Variants in NCOA3 observed in about 807,000 individuals in gnomAD.
NCOA3 encodes nuclear receptor coactivator 3, also known as CBP-interacting protein.
In NCOA3, 51 loss-of-function variants were observed where a neutral mutation model predicts 158.8. That is an observed-to-expected ratio of 0.32 (90% CI 0.26 to 0.41). NCOA3 has a LOEUF of 0.41. NCOA3 is among the 10% of genes least tolerant of loss of function. The probability of loss-of-function intolerance (pLI) is 1.00; values close to 1 mark genes in which losing one functional copy is unlikely to be tolerated. For missense variants in NCOA3, 1,510 were observed against 1,746.6 expected (o/e 0.86, Z 2.41); for synonymous variants, 537 against 592.4 (o/e 0.91, Z 1.36).
chr20:47,656,161 TAAATA>T lies in NCOA3; in HGVS notation c.*2750_*2754del, dbSNP rs369146528. On this transcript the variant is annotated 3_prime_UTR_variant, in exon 23 of 23. Coordinates refer to ENST00000371998, the MANE Select transcript of NCOA3 (RefSeq NM_181659.3). ...TTTTTTTGCTGAATCCAAAGATATA[TAAATA>T]AAATATATATATTTTATAAAGATCA... 7.4e-5 allele frequency: 11 copies of T among 147,890 alleles called. No individual in the cohort carries two copies. In the South Asian group the frequency reaches 1.5e-3, roughly 20 times the overall value. 9.2% of individuals were successfully genotyped at this position (147,890 alleles called of 1,614,324 possible). A position where few individuals can be genotyped will look rare whatever the true frequency, so the allele number is the denominator to read the frequency against.
intron 16 of NCOA3, among the ~76,000 whole-genome samples, chr20:47,640,589 A>C (rs866623840): frequency 6.6e-6 from 1 of 152,134 alleles, no homozygotes; most frequent in Non-Finnish European, 1.5e-5. Context: ...TTCATAAAAT[A>C]AAGATTGTAG....
At chr20:47,578,576 T>A (rs1300977571) in intron 1 of NCOA3, among the ~76,000 whole-genome samples, 4 of 152,370 alleles carry the variant, frequency 2.6e-5, no homozygotes, top group Admixed American at 1.3e-4. Flanking sequence ...TGTAGTTGAT[T>A]GTTGCAAGTG....
chr20:47,550,584 A>G (rs1235531138), intron 1 of NCOA3, among the ~76,000 whole-genome samples: 1 of 152,142 alleles, frequency 6.6e-6, no homozygotes, highest in Non-Finnish European at 1.5e-5. Flanking sequence ...GTGTGTTTTC[A>G]TCAGAATTGA....
At chr20:47,609,172 C>G (rs1177579565) in intron 2 of NCOA3, among the ~76,000 whole-genome samples, 5 of 152,154 alleles carry the variant, frequency 3.3e-5, no homozygotes, top group Admixed American at 2.6e-4. Flanking sequence ...GTTAATTCCT[C>G]ACACCGAGTC....
At position 47,517,582 on chromosome 20, in the gene NCOA3, C is replaced by T. The variant is rs182625210; in HGVS notation, c.-99+15563C>T. Among the ~76,000 whole-genome samples the T allele has an allele frequency of 1.6e-3, 236 of 151,530 alleles. 2 individuals carry two copies. Among genetic ancestry groups the T allele is most frequent in the African/African-American group, 5.3e-3 (220 of 41,308 alleles). ...TCTCCTGCCTCAGCCTCCCTAGTAGCTGGGATTACAGGTGCTCGCTACTAC... is the reference window on the plus strand; with the variant it reads ...TCTCCTGCCTCAGCCTCCCTAGTAGTTGGGATTACAGGTGCTCGCTACTAC... On this transcript the variant is annotated intron_variant, in intron 1 of 22. Transcript: ENST00000371998.
intron 1 of NCOA3, among the ~76,000 whole-genome samples, chr20:47,568,518 A>G (rs542840024): frequency 1.3e-5 from 2 of 152,280 alleles, no homozygotes; most frequent in Admixed American, 6.5e-5. Flanking sequence ...AAAATACTTT[A>G]TTGTGGCCTG....
chr20:47,583,444 T>C (rs539678924), intron 2 of NCOA3, among the ~76,000 whole-genome samples, 183 bp downstream of exon 2: 1 of 151,838 alleles, frequency 6.6e-6, no homozygotes, highest in South Asian at 2.1e-4. Context: ...GTATGTACAG[T>C]TGGCCCTTGA....
Position 47,656,177 on chromosome 20 carries a change from AT to A in NCOA3, c.*2764del, listed in dbSNP as rs1379597805. Reference sequence around the variant, plus strand: ...AAAGATATATAAATAAAATATATATATTTTATAAAGATCAGAATGATATAAA... The same window carrying A: ...AAAGATATATAAATAAAATATATATATTTATAAAGATCAGAATGATATAAA... On this transcript the variant is annotated 3_prime_UTR_variant, in exon 23 of 23. Transcript: ENST00000371998. 1.4e-5 allele frequency: 2 copies of A among 146,210 alleles called. No individual in the cohort carries two copies. The highest frequency in any genetic ancestry group is 1.5e-5 in the Non-Finnish European group (1 of 66,732). The allele number at this position is 146,210 out of a possible 1,614,324, so 9.1% of individuals were successfully genotyped here. A position where few individuals can be genotyped will look rare whatever the true frequency, so the allele number is the denominator to read the frequency against.
chr20:47,530,703 G>GAT (rs758976700), intron 1 of NCOA3, among the ~76,000 whole-genome samples: 105 of 152,094 alleles, frequency 6.9e-4, no homozygotes, highest in Non-Finnish European at 1.2e-3. Context: ...GCCCTCAAGT[G>GAT]ATCCACCTGC....
intron 10 of NCOA3, 149 bp downstream of exon 10, chr20:47,634,344 T>C: frequency 1.3e-6 from 1 of 752,308 alleles, no homozygotes; most frequent in South Asian, 1.9e-5. Flanking sequence ...TCCTGGATTA[T>C]GATATGTTTA....
chr20:47,502,189 C>T (rs890088665), intron 1 of NCOA3, among the ~76,000 whole-genome samples, 170 bp downstream of exon 1: 14 of 151,618 alleles, frequency 9.2e-5, no homozygotes, highest in African/African-American at 2.9e-4. Context: ...GGTGTCGGGG[C>T]CGCGCCGCTT....
At chr20:47,582,238 G>GT (rs1373427060) in intron 1 of NCOA3, among the ~76,000 whole-genome samples, 1 of 152,016 alleles carries the variant, frequency 6.6e-6, no homozygotes, top group East Asian at 1.9e-4. Context: ...TTGAGATGGA[G>GT]TTTTGCTTTT....
intron 2 of NCOA3, among the ~76,000 whole-genome samples, chr20:47,590,551 A>G (rs891179446): frequency 6.6e-6 from 1 of 152,344 alleles, no homozygotes; most frequent in East Asian, 1.9e-4. Flanking sequence ...TGAAGAAGAA[A>G]GGAAAAGGGC....
chr20:47,649,092 CCCCAGGTGAGCT>C lies in NCOA3; in HGVS notation c.3645_3651+5del, dbSNP rs770158269. 6.8e-6 allele frequency: 11 copies of C among 1,612,866 alleles called. No homozygotes were observed. Among genetic ancestry groups the C allele is most frequent in the Non-Finnish European group, 8.5e-6 (10 of 1,179,252 alleles). ...TGCGGTGATGAGGCCTATGATGCAG[CCCCAGGTGAGCT>C]CCCAGGTGAGGATGATAAGCCTCTC... On this transcript the variant is annotated inframe_deletion, in exon 19 of 23. Coordinates refer to ENST00000371998, the MANE Select transcript of NCOA3 (RefSeq NM_181659.3).
chr20:47,523,559 T>A, intron 1 of NCOA3, among the ~76,000 whole-genome samples: 1 of 152,178 alleles, frequency 6.6e-6, no homozygotes, highest in Non-Finnish European at 1.5e-5. Flanking sequence ...TAAAGAAGAC[T>A]GGAATTTATT....
intron 22 of NCOA3, 57 bp from the exon 23 acceptor site, chr20:47,653,349 C>G: frequency 6.4e-7 from 1 of 1,567,150 alleles, no homozygotes; most frequent in South Asian, 1.2e-5. Context: ...TTTTGTTGTG[C>G]AAAGCATGTG....
At chr20:47,633,405 A>C (rs2086455030) in intron 8 of NCOA3, 91 bp from the exon 9 acceptor site, 1 of 1,226,404 alleles carries the variant, frequency 8.2e-7, no homozygotes, top group African/African-American at 1.5e-5. Context: ...AATATCTTTT[A>C]TTTTATTCTC....
chr20:47,531,084 T>G (rs1436997060), intron 1 of NCOA3, among the ~76,000 whole-genome samples: 1 of 152,184 alleles, frequency 6.6e-6, no homozygotes, highest in Non-Finnish European at 1.5e-5. Flanking sequence ...ACACCTGTAA[T>G]CCCAGTACTT....
rs1447276986 is a variant in NCOA3 at position 47,525,184 on chromosome 20, C to G, written c.-99+23165C>G. 2.0e-5 allele frequency among the ~76,000 whole-genome samples: 3 copies of G among 151,186 alleles called. No homozygotes were observed. The East Asian group carries it at 5.8e-4, about 29-fold the overall frequency. On this transcript the variant is annotated intron_variant, in intron 1 of 22. Coordinates refer to ENST00000371998, the MANE Select transcript of NCOA3 (RefSeq NM_181659.3). ...CATCTGTTTAACAAAGCACATCTTG[C>G]ACCGCCCTTAATCCATTCAACCCTG...
Sources: gnomAD v4.1 joint callset for allele counts (sites outside exome capture counted in the v4.1 genomes callset) on GRCh38, gnomAD v4.1.1 for gene constraint, MANE v1.5 for transcripts, NCBI Gene and HGNC (gene_info 2026-07-23, HGNC 2026-07-21) for gene names.